Variants in ANKFN1 observed in about 807,000 individuals in gnomAD.
The protein encoded by ANKFN1 is ankyrin repeat and fibronectin type-III domain-containing protein 1.
ANKFN1 carries 74 observed loss-of-function variants against 108.7 expected under a neutral mutation model. That is an observed-to-expected ratio of 0.68 (90% CI 0.56 to 0.83). ANKFN1 has a LOEUF of 0.83. Among genes scored for constraint, ANKFN1 ranks in the 40% least tolerant of loss-of-function variants. The pLI is 0.00. For missense variants in ANKFN1, 1,505 were observed against 1,382.3 expected, an observed-to-expected ratio of 1.09 and a Z score of -1.41; for synonymous variants, 547 against 516.2, an observed-to-expected ratio of 1.06 and a Z score of -0.81.
intron 8 of ANKFN1, among the ~76,000 whole-genome samples, chr17:56,439,760 C>T (rs1376661001): frequency 6.6e-6 from 1 of 152,076 alleles, no homozygotes; most frequent in Non-Finnish European, 1.5e-5. Context: ...CTCACTCAGA[C>T]CTTAAGAGAG....
At chr17:56,245,544 A>G (rs538886324) in intron 3 of ANKFN1, among the ~76,000 whole-genome samples, 1 of 152,274 alleles carries the variant, frequency 6.6e-6, no homozygotes, top group South Asian at 2.1e-4. Flanking sequence ...TAAATCCCAT[A>G]TGAACTGTGA....
At chr17:56,170,807 T>TATACACACACACACACACACACACACAC (rs1361307404) in intron 1 of ANKFN1, among the ~76,000 whole-genome samples, 2 of 61,460 alleles carry the variant, frequency 3.3e-5, no homozygotes, top group South Asian at 1.8e-3. Flanking sequence ...TATATATATA[T>TATACACACACACACACACACACACACAC]ACACACACAC....
At chr17:56,499,885 T>G (rs1333212405) in intron 20 of ANKFN1, among the ~76,000 whole-genome samples, 1 of 152,210 alleles carries the variant, frequency 6.6e-6, no homozygotes, top group Admixed American at 6.5e-5. Context: ...GTAATGGCGA[T>G]TCAAAGCATC....
At chr17:56,099,480 G>A (rs1368605889) in intron 4 of ANKFN1, among the ~76,000 whole-genome samples, 1 of 152,124 alleles carries the variant, frequency 6.6e-6, no homozygotes, top group Non-Finnish European at 1.5e-5. Context: ...AACACCTTTA[G>A]ATTCTTCTAA....
intron 8 of ANKFN1, among the ~76,000 whole-genome samples, chr17:56,421,315 T>C (rs1023261251): frequency 5.9e-5 from 9 of 152,150 alleles, no homozygotes; most frequent in Admixed American, 2.6e-4. Context: ...ACATAGGCAC[T>C]GGGTGAAACG....
chr17:56,084,521 A>G (rs1259956229), intron 4 of ANKFN1, among the ~76,000 whole-genome samples: 2 of 151,252 alleles, frequency 1.3e-5, no homozygotes, highest in Admixed American at 6.6e-5. Context: ...CTGAGCCTCT[A>G]TCGTGTGGGC....
At chr17:56,308,875 G>T (rs1007809866) in intron 3 of ANKFN1, among the ~76,000 whole-genome samples, 13 of 152,076 alleles carry the variant, frequency 8.5e-5, no homozygotes, top group African/African-American at 3.1e-4. Context: ...TACATTGATT[G>T]GTGTCCAAAT....
chr17:56,467,883 A>G (rs1038397162), intron 15 of ANKFN1, among the ~76,000 whole-genome samples: 1 of 152,098 alleles, frequency 6.6e-6, no homozygotes, highest in South Asian at 2.1e-4. Context: ...CTAGAGCTCA[A>G]AGAGGTTAAA....
chr17:56,209,938 G>A (rs943485361), intron 1 of ANKFN1, among the ~76,000 whole-genome samples: 62 of 152,184 alleles, frequency 4.1e-4, no homozygotes, highest in African/African-American at 1.5e-3. Context: ...CCATTCCTGA[G>A]TTACTTCACT....
At chr17:56,247,749 C>T (rs12600929) in intron 3 of ANKFN1, among the ~76,000 whole-genome samples, 32,896 of 151,994 alleles carry the variant, frequency 0.22, 4,253 homozygotes, top group African/African-American at 0.35. Context: ...CACTGACTTG[C>T]CTCCTTCTTA....
At chr17:56,076,882 C>A (rs1905187979) in intron 4 of ANKFN1, among the ~76,000 whole-genome samples, 1 of 152,136 alleles carries the variant, frequency 6.6e-6, no homozygotes, top group South Asian at 2.1e-4. Context: ...CACCAACCTA[C>A]CTTTCCAAAA....
Position 56,445,969 on chromosome 17 carries a change from G to T in ANKFN1, c.1099+3036G>T, listed in dbSNP as rs761482887. On this transcript the variant is annotated intron_variant, in intron 10 of 20. Coordinates refer to ENST00000682825, the MANE Select transcript of ANKFN1 (RefSeq NM_001370326.1). ...ACCATGCTAAGTTTATTCCTGTCAGGTTCCTGATTTCTTAATATATTTTCA... is the reference window on the plus strand; with the variant it reads ...ACCATGCTAAGTTTATTCCTGTCAGTTTCCTGATTTCTTAATATATTTTCA... Among the ~76,000 whole-genome samples the T allele has an allele frequency of 2.0e-5, 3 of 152,068 alleles. 1 individual carries two copies. The highest frequency in any genetic ancestry group is 4.4e-5 in the Non-Finnish European group (3 of 67,996).
At chr17:56,055,566 C>CATATATATATAT (rs1355346286) in intron 4 of ANKFN1, among the ~76,000 whole-genome samples, 3,238 of 47,188 alleles carry the variant, frequency 0.069, 503 homozygotes, top group Non-Finnish European at 0.081. Flanking sequence ...GGTATATATA[C>CATATATATATAT]ATATATATAT....
At chr17:56,210,207 A>G (rs1914879804) in intron 1 of ANKFN1, among the ~76,000 whole-genome samples, 1 of 152,168 alleles carries the variant, frequency 6.6e-6, no homozygotes, top group Admixed American at 6.5e-5. Flanking sequence ...ATAAACATGC[A>G]TGTACAAGTA....
intron 14 of ANKFN1, chr17:56,461,966 G>C (rs1164328322): frequency 2.0e-5 from 3 of 152,192 alleles, no homozygotes; most frequent in East Asian, 3.9e-4. Context: ...CGTGACCGGA[G>C]AGCCTCATAG....
chr17:56,150,144 A>G (rs914996960), upstream of ANKFN1, among the ~76,000 whole-genome samples: 54 of 152,154 alleles, frequency 3.5e-4, no homozygotes, highest in Non-Finnish European at 2.9e-5. Context: ...CTATGCACAC[A>G]CTGGAAAGTT....
intron 8 of ANKFN1, among the ~76,000 whole-genome samples, chr17:56,391,905 C>T (rs910664330): frequency 6.6e-6 from 1 of 152,146 alleles, no homozygotes; most frequent in Admixed American, 6.5e-5. Context: ...AATAGGTACT[C>T]AGTTAATTAA....
At chr17:56,480,098 G>A (rs1363549942) in intron 16 of ANKFN1, among the ~76,000 whole-genome samples, 2 of 152,206 alleles carry the variant, frequency 1.3e-5, no homozygotes, top group African/African-American at 2.4e-5. Context: ...TTTGTAAGGA[G>A]GATGGAAGCA....
intron 1 of ANKFN1, among the ~76,000 whole-genome samples, chr17:56,207,551 G>A (rs1451098871): frequency 1.3e-5 from 2 of 152,150 alleles, no homozygotes; most frequent in Admixed American, 1.3e-4. Context: ...TTCATTGATA[G>A]CCAGAACATT....
Sources: gnomAD v4.1 joint callset for allele counts (sites outside exome capture counted in the v4.1 genomes callset) on GRCh38, gnomAD v4.1.1 for gene constraint, MANE v1.5 for transcripts, NCBI Gene and HGNC (gene_info 2026-07-23, HGNC 2026-07-21) for gene names.